Variants in OAS3 observed in about 807,000 individuals in gnomAD.
OAS3 encodes the protein 2'-5'-oligoadenylate synthetase 3.
In OAS3, 107 loss-of-function variants were observed where a neutral mutation model predicts 113.0. The ratio of observed to expected loss-of-function variants is 0.95; its 90% CI spans 0.81 to 1.11. The LOEUF is 1.11. Ranked by LOEUF, OAS3 falls within the 50% of genes most tolerant of loss-of-function variation. The pLI is 0.00. For synonymous variants in OAS3, 552 were observed against 573.6 expected (o/e 0.96, Z 0.54); for missense variants, 1,258 against 1,389.1 (o/e 0.91, Z 1.50).
intron 14 of OAS3, 30 bp from the exon 15 acceptor site, chr12:112,969,578 A>G (rs2043964886): frequency 1.3e-6 from 2 of 1,581,046 alleles, no homozygotes; most frequent in Non-Finnish European, 1.7e-6. Flanking sequence ...TGTTGCCAGG[A>G]ATAAGACTGT....
At chr12:112,962,100 G>A (rs1376833996) in intron 8 of OAS3, among the ~76,000 whole-genome samples, 1 of 152,156 alleles carries the variant, frequency 6.6e-6, no homozygotes, top group Non-Finnish European at 1.5e-5. Flanking sequence ...CCCCAGCCTT[G>A]TTGCCTCTTT....
chr12:112,970,213 C>T lies in OAS3; in HGVS notation c.*240C>T, dbSNP rs2043972823. On this transcript the variant is annotated 3_prime_UTR_variant, in exon 16 of 16. Transcript: ENST00000228928. ...AGGATCCAGACTCCATGGTTTGACA[C>T]CAGCCTGCGTTTGCAGCTTCTCTGT... The T allele has an allele frequency of 1.7e-6, 1 of 588,330 alleles. No individual in the cohort carries two copies. The highest frequency in any genetic ancestry group is 3.0e-6 in the Non-Finnish European group (1 of 328,916). 36.4% of individuals were successfully genotyped at this position (588,330 alleles called of 1,614,324 possible).
At chr12:112,956,326 C>T (rs897495853) in intron 7 of OAS3, among the ~76,000 whole-genome samples, 2 of 152,084 alleles carry the variant, frequency 1.3e-5, no homozygotes, top group African/African-American at 4.8e-5. Flanking sequence ...TTTTTTGTGT[C>T]TCTGTCTCCT....
At position 112,949,006 on chromosome 12, in the gene OAS3, C is replaced by T. The variant is rs757757329; in HGVS notation, c.1175C>T (p.Thr392Ile). ...CCCTCATGCCCAGCTCCTGGCCCCA[C>T]TGGGGCAGCCAGCATCGTCCCCTCT... ...KPPSCPAPGP[T>I]GAASIVPSVP... Residue 392 changes from threonine to isoleucine, a missense_variant, in exon 6 of 16, where the codon ACT (threonine) becomes ATT (isoleucine). Coordinates refer to ENST00000228928, the MANE Select transcript of OAS3 (RefSeq NM_006187.4). The T allele has an allele frequency of 6.2e-7, 1 of 1,614,048 alleles. No individual in the cohort carries two copies. Among genetic ancestry groups the T allele is most frequent in the Admixed American group, 1.7e-5 (1 of 60,022 alleles).
intron 7 of OAS3, among the ~76,000 whole-genome samples, chr12:112,955,007 T>A (rs566421483): frequency 7.8e-4 from 119 of 152,330 alleles, no homozygotes; most frequent in South Asian, 4.3e-3. Flanking sequence ...TGAGCAGTGG[T>A]TTGTAGTTCT....
chr12:112,964,805 C>G (rs1192229249), intron 11 of OAS3, among the ~76,000 whole-genome samples: 2 of 152,134 alleles, frequency 1.3e-5, no homozygotes, highest in Non-Finnish European at 2.9e-5. Context: ...TTTGGCAGCT[C>G]TAAGCTTCCA....
chr12:112,950,286 A>T (rs2043776924), intron 6 of OAS3, among the ~76,000 whole-genome samples: 1 of 152,186 alleles, frequency 6.6e-6, no homozygotes, highest in Admixed American at 6.5e-5. Flanking sequence ...GAGGGAATTG[A>T]TGGAAACAGG....
chr12:112,941,774 G>T lies in OAS3; in HGVS notation c.382G>T (p.Ala128Ser), dbSNP rs1190267166. The change falls in exon 2 of 16, where the codon GCC becomes TCC. Residue 128 changes from alanine (A) to serine (S), a missense_variant. Physicochemically the swap from Ala to Ser is moderately conservative, Grantham distance 99. Transcript: ENST00000228928. ...LTFPEQSVPG[A>S]LQFRLTSVDL... Reference sequence around the variant, plus strand: ...GTTTCCTGAGCAGAGCGTGCCTGGGGCCCTGCAGTTCCGCCTGACATCCGT... The same window carrying T: ...GTTTCCTGAGCAGAGCGTGCCTGGGTCCCTGCAGTTCCGCCTGACATCCGT... 2.5e-6 allele frequency: 4 copies of T among 1,614,028 alleles called. No homozygotes were observed. The highest frequency in any genetic ancestry group is 1.1e-5 in the South Asian group (1 of 91,080).
Position 112,944,889 on chromosome 12 carries a change from T to C in OAS3, c.636+238T>C, listed in dbSNP as rs527526076. 142 of 541,370 alleles carry C rather than the reference T, an allele frequency of 2.6e-4. 1 individual carries two copies. The East Asian group carries it at 4.7e-3, about 18-fold the overall frequency. 33.5% of individuals were successfully genotyped at this position (541,370 alleles called of 1,614,324 possible). ...TAGTTAATATAATGCATTCTTCCAA[T>C]AGTCTTCCAGTCTGTGTCTTGGGCT... On this transcript the variant is annotated intron_variant, in intron 3 of 15. Coordinates refer to ENST00000228928, the MANE Select transcript of OAS3 (RefSeq NM_006187.4).
chr12:112,955,685 G>A (rs888316896), intron 7 of OAS3, among the ~76,000 whole-genome samples: 5 of 152,192 alleles, frequency 3.3e-5, no homozygotes, highest in Admixed American at 2.0e-4. Flanking sequence ...TGATCAGGGT[G>A]GATAAGCTTT....
chr12:112,947,812 G>A (rs1032145023), intron 4 of OAS3, 134 bp from the exon 5 acceptor site: 8 of 733,132 alleles, frequency 1.1e-5, no homozygotes, highest in Middle Eastern at 2.5e-4. Flanking sequence ...TAAGGAAATC[G>A]AGGCTCAGAG....
intron 2 of OAS3, chr12:112,942,202 C>T (rs1565973733): frequency 2.0e-6 from 1 of 503,832 alleles, no homozygotes; most frequent in South Asian, 4.0e-5. Context: ...GGCCTGGGGA[C>T]GAAACCAGAA....
chr12:112,962,595 C>A (rs1779743814), intron 8 of OAS3, 57 bp from the exon 9 acceptor site: 3 of 1,585,632 alleles, frequency 1.9e-6, no homozygotes, highest in East Asian at 2.3e-5. Context: ...GTGCTTATGG[C>A]CACACTCAGC....
intron 1 of OAS3, among the ~76,000 whole-genome samples, chr12:112,939,898 G>T (rs992183351): frequency 1.3e-5 from 2 of 152,146 alleles, no homozygotes; most frequent in Non-Finnish European, 2.9e-5. Context: ...GTTTCCTGGG[G>T]CTGACTCTCA....
intron 14 of OAS3, chr12:112,969,397 A>G: frequency 1.7e-6 from 1 of 604,812 alleles, no homozygotes; most frequent in Non-Finnish European, 2.9e-6. Flanking sequence ...GTTGATTAGT[A>G]ATGTTTGCCT....
chr12:112,965,675 A>G, intron 11 of OAS3, 69 bp from the exon 12 acceptor site: 1 of 1,454,926 alleles, frequency 6.9e-7, no homozygotes, highest in Non-Finnish European at 9.2e-7. Context: ...AGGTTTTCTA[A>G]CTCACAGTCC....
In OAS3 at chr12:112,948,913, C is replaced by G; in HGVS notation, c.1082C>G (p.Pro361Arg). ...SGLGHPIQLDPNQKTPENSKS... is the reference protein window; with the variant it reads ...SGLGHPIQLDRNQKTPENSKS... ...TTGGGCCACCCCATCCAGCTAGACC[C>G]TAACCAGAAGACCCCTGAAAACAGC... Residue 361 changes from proline to arginine, a missense_variant, in exon 6 of 16, where the codon CCT becomes CGT. By Grantham distance (103) the Pro-to-Arg change is moderately radical. Transcript: ENST00000228928. 6.2e-7 allele frequency: 1 copy of G among 1,607,270 alleles called. No individual in the cohort carries two copies. The highest frequency in any genetic ancestry group is 8.5e-7 in the Non-Finnish European group (1 of 1,176,906).
chr12:112,941,284 C>T (rs760759306), intron 1 of OAS3, among the ~76,000 whole-genome samples: 11 of 152,146 alleles, frequency 7.2e-5, no homozygotes, highest in Non-Finnish European at 2.9e-5. Context: ...GAGGATCACT[C>T]GAGCCCAGGA....
At chr12:112,960,083 G>T (rs944627489) in intron 7 of OAS3, among the ~76,000 whole-genome samples, 1 of 152,082 alleles carries the variant, frequency 6.6e-6, no homozygotes, top group African/African-American at 2.4e-5. Context: ...CATCTTTGGG[G>T]TTTGTGGAGA....
Sources: gnomAD v4.1 joint callset for allele counts (sites outside exome capture counted in the v4.1 genomes callset) on GRCh38, gnomAD v4.1.1 for gene constraint, MANE v1.5 for transcripts, NCBI Gene and HGNC (gene_info 2026-07-23, HGNC 2026-07-21) for gene names.